Variants in PHACTR1 observed in about 807,000 individuals in gnomAD.
PHACTR1 encodes RPEL repeat containing 1.
In PHACTR1, 16 loss-of-function variants were observed where a neutral mutation model predicts 69.2. The ratio of observed to expected loss-of-function variants is 0.23; its 90% CI spans 0.16 to 0.35. The LOEUF (loss-of-function observed/expected upper bound fraction) is 0.35, where lower values mean the gene tolerates loss of function less well. PHACTR1 is among the 10% of genes least tolerant of loss of function. The pLI, the probability that PHACTR1 is intolerant of heterozygous loss-of-function variation, is 1.00. For missense variants in PHACTR1, 510 were observed against 734.7 expected (o/e 0.69, Z 3.54); for synonymous variants, 312 against 284.5 (o/e 1.10, Z -0.97).
chr6:12,875,575 G>A (rs988137803), intron 4 of PHACTR1, among the ~76,000 whole-genome samples: 7 of 152,136 alleles, frequency 4.6e-5, no homozygotes, highest in African/African-American at 1.7e-4. Context: ...GTTCTTGAAA[G>A]ACCAGTAAAA....
At chr6:13,152,575 T>C (rs1418775887) in intron 5 of PHACTR1, among the ~76,000 whole-genome samples, 1 of 152,194 alleles carries the variant, frequency 6.6e-6, no homozygotes, top group Non-Finnish European at 1.5e-5. Flanking sequence ...TGCTCATTTC[T>C]AAAGTACTGG....
intron 4 of PHACTR1, chr6:12,957,270 A>C (rs1357422654): frequency 1.2e-6 from 1 of 808,398 alleles, no homozygotes; most frequent in Admixed American, 6.2e-5. Context: ...AAAAAAAAAA[A>C]AAAAAGCCCA....
chr6:13,193,193 A>T (rs201422707), intron 7 of PHACTR1, among the ~76,000 whole-genome samples: 2 of 146,728 alleles, frequency 1.4e-5, no homozygotes, highest in Non-Finnish European at 1.5e-5. Context: ...AATGCAAAAA[A>T]TACGAGTGTG....
At chr6:13,195,779 A>AAAAAAAAAAAAAAACAAAAAAAAAG (rs201554952) in intron 7 of PHACTR1, among the ~76,000 whole-genome samples, 1 of 118,556 alleles carries the variant, frequency 8.4e-6, no homozygotes, top group Non-Finnish European at 1.8e-5. Context: ...AAAAAAAAAA[A>AAAAAAAAAAAAAAACAAAAAAAAAG]AGTTCATTTG....
chr6:13,089,605 G>A (rs78887016), intron 5 of PHACTR1, among the ~76,000 whole-genome samples: 2,448 of 152,214 alleles, frequency 0.016, 57 homozygotes, highest in African/African-American at 0.053. Context: ...GGAAACCAAG[G>A]CCAAAAAATA....
At chr6:13,152,225 T>C (rs1422313817) in intron 5 of PHACTR1, among the ~76,000 whole-genome samples, 1 of 152,046 alleles carries the variant, frequency 6.6e-6, no homozygotes, top group Non-Finnish European at 1.5e-5. Context: ...TCCCAGCTAC[T>C]TGGGAGGCTG....
chr6:12,819,426 C>T (rs945095622), intron 4 of PHACTR1, among the ~76,000 whole-genome samples: 1 of 152,106 alleles, frequency 6.6e-6, no homozygotes, highest in African/African-American at 2.4e-5. Context: ...ATATTTCAAC[C>T]ACACAGGATG....
At chr6:12,870,488 C>T (rs137868222) in intron 4 of PHACTR1, among the ~76,000 whole-genome samples, 36 of 152,174 alleles carry the variant, frequency 2.4e-4, no homozygotes, top group African/African-American at 7.0e-4. Context: ...TGTCAGCCTG[C>T]GAAATGTTTA....
intron 4 of PHACTR1, among the ~76,000 whole-genome samples, chr6:12,841,585 A>G (rs543596364): frequency 2.0e-5 from 3 of 152,372 alleles, no homozygotes; most frequent in Admixed American, 6.5e-5. Flanking sequence ...TGATGACTAA[A>G]TGGAAAATCA....
intron 4 of PHACTR1, among the ~76,000 whole-genome samples, chr6:13,025,671 T>TTGTGTGTGTATGTGTG (rs747937897): frequency 2.9e-5 from 4 of 140,220 alleles, no homozygotes; most frequent in African/African-American, 8.2e-5. Context: ...CATATATTAT[T>TTGTGTGTGTATGTGTG]TGTGTGTGTG....
intron 4 of PHACTR1, among the ~76,000 whole-genome samples, chr6:13,000,375 C>T (rs928025900): frequency 2.0e-5 from 3 of 152,040 alleles, no homozygotes; most frequent in Non-Finnish European, 4.4e-5. Flanking sequence ...TCGTGAGACC[C>T]CGTCTCTATA....
chr6:12,855,663 G>A (rs779890014), intron 4 of PHACTR1, among the ~76,000 whole-genome samples: 1 of 152,104 alleles, frequency 6.6e-6, no homozygotes, highest in African/African-American at 2.4e-5. Flanking sequence ...GAGGAAGGGA[G>A]GTAGTGGCTG....
chr6:13,061,945 TA>T (rs1248685828), intron 5 of PHACTR1, among the ~76,000 whole-genome samples: 2 of 152,206 alleles, frequency 1.3e-5, no homozygotes, highest in African/African-American at 4.8e-5. Context: ...GAGACCCACC[TA>T]ATATAGGTAA....
intron 4 of PHACTR1, among the ~76,000 whole-genome samples, chr6:12,791,888 G>A (rs775301073): frequency 6.6e-6 from 1 of 152,156 alleles, no homozygotes; most frequent in Non-Finnish European, 1.5e-5. Flanking sequence ...AAAGCAGACG[G>A]TAAATACATA....
intron 11 of PHACTR1, chr6:13,278,021 G>A: frequency 3.4e-6 from 1 of 294,816 alleles, no homozygotes; most frequent in Admixed American, 4.8e-5. Flanking sequence ...CTGGAGACCT[G>A]AAACCCCATG....
At chr6:12,743,189 G>GAAAAAAAAAAAAAAAAAAA in intron 3 of PHACTR1, among the ~76,000 whole-genome samples, 1 of 136,748 alleles carries the variant, frequency 7.3e-6, no homozygotes, top group Non-Finnish European at 1.6e-5. Flanking sequence ...TAAATTGCAG[G>GAAAAAAAAAAAAAAAAAAA]AAAAAAAAAA....
chr6:12,770,997 A>G (rs1572001), intron 4 of PHACTR1, among the ~76,000 whole-genome samples: 10,622 of 152,230 alleles, frequency 0.07, 462 homozygotes, highest in Admixed American at 0.1. Flanking sequence ...TAGGACTGGA[A>G]CCTGTCGTGG....
At chr6:13,153,311 C>A (rs531758873) in intron 5 of PHACTR1, among the ~76,000 whole-genome samples, 1 of 152,246 alleles carries the variant, frequency 6.6e-6, no homozygotes, top group African/African-American at 2.4e-5. Flanking sequence ...GTTTAGAGAG[C>A]CTTCCTTGGA....
chr6:12,920,355 G>T (rs923042808), intron 4 of PHACTR1, among the ~76,000 whole-genome samples: 1 of 152,172 alleles, frequency 6.6e-6, no homozygotes, highest in Non-Finnish European at 1.5e-5. Context: ...GGAACATTTC[G>T]TACCGTTAGC....
Sources: allele counts gnomAD v4.1 joint callset (sites outside exome capture counted in the v4.1 genomes callset), GRCh38; gene constraint gnomAD v4.1.1; transcripts MANE v1.5; gene names NCBI Gene and HGNC (gene_info 2026-07-23, HGNC 2026-07-21).